Variants in ALG8 observed in about 807,000 individuals in gnomAD.
The protein encoded by ALG8 is dolichyl pyrophosphate Glc1Man9GlcNAc2 alpha-1,3-glucosyltransferase.
In ALG8, 48 loss-of-function variants were observed where a neutral mutation model predicts 70.2. The observed-to-expected ratio is 0.68, with a 90% CI of 0.54 to 0.87. The LOEUF (loss-of-function observed/expected upper bound fraction) is 0.87. Among genes scored for constraint, ALG8 ranks in the 40% least tolerant of loss-of-function variants. The pLI is 0.00. For synonymous variants in ALG8, 234 were observed against 229.0 expected (o/e 1.02, Z -0.20); for missense variants, 572 against 608.7 (o/e 0.94, Z 0.64).
chr11:78,119,635 T>C (rs1860733031), intron 4 of ALG8, among the ~76,000 whole-genome samples: 1 of 152,100 alleles, frequency 6.6e-6, no homozygotes. Context: ...TTCACTATGT[T>C]GGCCAGGCTG....
rs747162076 is a variant in ALG8, at chr11:78,124,035, C to CACAAAGAGT, written c.345_353dup (p.Leu116_Val118dup). ...TCCAGACTTACTCACGGACAGCATA[C>CACAAAGAGT]ACAAAGAGTACATCCATAAAGATGA... On this transcript the variant is annotated inframe_insertion, in exon 3 of 13. Transcript: ENST00000299626. 1 of 1,614,092 alleles carries CACAAAGAGT rather than the reference C, an allele frequency of 6.2e-7. No individual in the cohort carries two copies. Among genetic ancestry groups the CACAAAGAGT allele is most frequent in the South Asian group, 1.1e-5 (1 of 91,082 alleles).
intron 5 of ALG8, among the ~76,000 whole-genome samples, chr11:78,118,615 C>CAAAAA (rs60253317): frequency 1.1e-4 from 10 of 88,102 alleles, no homozygotes; most frequent in African/African-American, 1.7e-4. Flanking sequence ...GACTCATTCT[C>CAAAAA]AAAAAAAAAA....
chr11:78,110,577 G>C (rs534253457), intron 8 of ALG8, among the ~76,000 whole-genome samples: 3 of 152,180 alleles, frequency 2.0e-5, no homozygotes, highest in Non-Finnish European at 2.9e-5. Context: ...ATTCCTTGAA[G>C]GCAGGAATGA....
intron 1 of ALG8, among the ~76,000 whole-genome samples, chr11:78,129,352 G>A (rs928063505): frequency 2.6e-5 from 4 of 151,700 alleles, no homozygotes; most frequent in Non-Finnish European, 5.9e-5. Context: ...CCCAGGAGGC[G>A]GAGCTTGCAG....
intron 12 of ALG8, among the ~76,000 whole-genome samples, chr11:78,102,280 G>A (rs1299306220): frequency 1.3e-5 from 2 of 152,066 alleles, no homozygotes; most frequent in African/African-American, 4.8e-5. Context: ...CTCTATGTTT[G>A]TTTATTCTAG....
intron 3 of ALG8, among the ~76,000 whole-genome samples, chr11:78,121,912 CAAT>C (rs1408145951): frequency 6.6e-6 from 1 of 152,026 alleles, no homozygotes; most frequent in African/African-American, 2.4e-5. Flanking sequence ...TACTAAGTGA[CAAT>C]AACAGGTGAC....
In ALG8 at chr11:78,101,202, G is replaced by GA. The variant is rs1859782241; in HGVS notation, c.1350-8dup. 3.7e-6 allele frequency: 6 copies of GA among 1,609,830 alleles called. No individual in the cohort carries two copies. Among genetic ancestry groups the GA allele is most frequent in the South Asian group, 2.2e-5 (2 of 90,854 alleles). ...AAAAAGAGGTTTTTCTTTTCTGAAGGAAAAAAGAGAGAAAAGTCTGATTTT... is the reference window on the plus strand; with the variant it reads ...AAAAAGAGGTTTTTCTTTTCTGAAGGAAAAAAAGAGAGAAAAGTCTGATTTT... On this transcript the variant is annotated splice_region_variant and splice_polypyrimidine_tract_variant and intron_variant, in intron 12 of 12. Transcript: ENST00000299626.
chr11:78,127,586 G>A, intron 1 of ALG8, 150 bp from the exon 2 acceptor site: 1 of 725,024 alleles, frequency 1.4e-6, no homozygotes, highest in East Asian at 2.7e-5. Context: ...ACATAATCCT[G>A]TAAAACCTCA....
At chr11:78,121,424 A>G (rs957666759) in intron 3 of ALG8, among the ~76,000 whole-genome samples, 2 of 150,678 alleles carry the variant, frequency 1.3e-5, no homozygotes, top group Non-Finnish European at 2.9e-5. Context: ...GCCATTCTTT[A>G]TTTCTTAAAA....
rs184932914 is a variant in ALG8, at chr11:78,123,112, C to T, written c.368+909G>A. On this transcript the variant is annotated intron_variant, in intron 3 of 12. Transcript: ENST00000299626. Reference sequence around the variant, plus strand: ...CACGAGGTCAGGAGTTCAAGACCAGCCTGGCCAACATGGTGAAACCCTGTC... The same window carrying T: ...CACGAGGTCAGGAGTTCAAGACCAGTCTGGCCAACATGGTGAAACCCTGTC... Among the ~76,000 whole-genome samples, 978 of 151,968 alleles carry T rather than the reference C, an allele frequency of 6.4e-3. 7 individuals are homozygous for T. The highest frequency in any genetic ancestry group is 0.016 in the Admixed American group (238 of 15,268).
chr11:78,119,413 CA>C (rs1860719372), intron 4 of ALG8, among the ~76,000 whole-genome samples, 164 bp from the exon 5 acceptor site: 1 of 148,046 alleles, frequency 6.8e-6, no homozygotes, highest in Non-Finnish European at 1.5e-5. Flanking sequence ...TAAACAGATT[CA>C]AATTTTTTTT....
At chr11:78,103,465 CA>C (rs879920662) in intron 12 of ALG8, 230 of 131,738 alleles carry the variant, frequency 1.7e-3, no homozygotes, top group Non-Finnish European at 2.0e-3. Context: ...ACTCCGTCTC[CA>C]AAAAAAAAAA....
chr11:78,131,997 C>G (rs1318422925), intron 1 of ALG8, among the ~76,000 whole-genome samples: 2 of 152,198 alleles, frequency 1.3e-5, no homozygotes, highest in African/African-American at 4.8e-5. Flanking sequence ...TTTTGGATCT[C>G]GCTTACTCAC....
intron 4 of ALG8, among the ~76,000 whole-genome samples, chr11:78,120,560 C>T (rs1243334013): frequency 6.6e-6 from 1 of 152,152 alleles, no homozygotes; most frequent in Non-Finnish European, 1.5e-5. Context: ...GTGCTTTCCT[C>T]CACACCAGGC....
intron 5 of ALG8, chr11:78,114,595 G>A (rs951528244): frequency 6.0e-5 from 39 of 645,470 alleles, no homozygotes; most frequent in Non-Finnish European, 1.0e-4. Context: ...ATGGGTGAGG[G>A]ATATATAGGA....
intron 4 of ALG8, 118 bp downstream of exon 4, chr11:78,120,947 C>A: frequency 1.0e-6 from 1 of 959,934 alleles, no homozygotes; most frequent in South Asian, 1.4e-5. Context: ...TACTAACCCA[C>A]CCCACACTCA....
rs750370780 is a variant in ALG8 at position 78,127,353 on chromosome 11, C to T, written c.174+5G>A. 1.9e-6 allele frequency: 3 copies of T among 1,604,162 alleles called. No individual in the cohort carries two copies. The South Asian group carries it at 3.3e-5, about 18-fold the overall frequency. On this transcript the variant is annotated splice_donor_5th_base_variant and intron_variant, in intron 2 of 12. Transcript: ENST00000299626. ...AAAAAAAAAAAGGTGAAAATTAAAA[C>T]TTACCTCATAATACCACTGTGATAT...
intron 3 of ALG8, 74 bp from the exon 4 acceptor site, chr11:78,121,248 T>A: frequency 1.0e-6 from 1 of 998,086 alleles, no homozygotes. Flanking sequence ...CAGAGTAAAC[T>A]ATGATACATT....
chr11:78,113,724 A>G (rs1043437028), intron 7 of ALG8, among the ~76,000 whole-genome samples, 162 bp downstream of exon 7: 1 of 150,598 alleles, frequency 6.6e-6, no homozygotes, highest in Non-Finnish European at 1.5e-5. Context: ...AACAAAAACA[A>G]AAAAAAAAAA....
Sources: allele counts gnomAD v4.1 joint callset (sites outside exome capture counted in the v4.1 genomes callset), GRCh38; gene constraint gnomAD v4.1.1; transcripts MANE v1.5; gene names NCBI Gene and HGNC (gene_info 2026-07-23, HGNC 2026-07-21).